The following CDH13 variants were observed in gnomAD, a reference collection of about 807,000 sequenced individuals.
CDH13 encodes the protein cadherin-13.
In CDH13, 24 loss-of-function variants were observed where a neutral mutation model predicts 63.8. The ratio of observed to expected loss-of-function variants is 0.38; its 90% CI spans 0.27 to 0.53. CDH13 has a LOEUF of 0.53. CDH13 is among the 20% of genes least tolerant of loss of function. The probability of loss-of-function intolerance (pLI) is 0.85; values close to 1 mark genes in which losing one functional copy is unlikely to be tolerated. For missense variants in CDH13, 1,049 were observed against 903.1 expected (o/e 1.16, Z -2.07); for synonymous variants, 503 against 355.3 (o/e 1.42, Z -4.67).
At chr16:83,080,885 T>TGTTTTG (rs1449323891) in intron 3 of CDH13, among the ~76,000 whole-genome samples, 1 of 120,472 alleles carries the variant, frequency 8.3e-6, no homozygotes, top group African/African-American at 3.2e-5. Flanking sequence ...TTTTTTTTTT[T>TGTTTTG]TTTTTTTTTT....
intron 2 of CDH13, among the ~76,000 whole-genome samples, chr16:82,907,970 C>T (rs2041704463): frequency 6.6e-6 from 1 of 152,146 alleles, no homozygotes. Flanking sequence ...CTTAAATATA[C>T]TGGTGCTTCT....
intron 1 of CDH13, among the ~76,000 whole-genome samples, chr16:82,836,108 T>G (rs1597748054): frequency 1.3e-5 from 2 of 152,284 alleles, no homozygotes; most frequent in Non-Finnish European, 1.5e-5. Flanking sequence ...GAAAGATGCT[T>G]CATTTTGCAT....
chr16:83,356,446 G>C (rs1373964371), intron 6 of CDH13, among the ~76,000 whole-genome samples: 1 of 152,062 alleles, frequency 6.6e-6, no homozygotes, highest in Admixed American at 6.6e-5. Context: ...AGCATGCTGA[G>C]CCATCCATCA....
rs181772001 is a variant in CDH13, at chr16:83,328,458, G to C, written c.637-16404G>C. Among the ~76,000 whole-genome samples, 540 of 152,308 alleles carry C rather than the reference G, an allele frequency of 3.5e-3. 5 individuals are homozygous for C. Among genetic ancestry groups the C allele is most frequent in the African/African-American group, 0.012 (500 of 41,562 alleles). On this transcript the variant is annotated intron_variant, in intron 5 of 13. Transcript: ENST00000567109. The stretch of plus-strand genomic sequence containing the variant: ...TGCAGGCCACAGTGAGAACTTAGAA[G>C]ACAATTGACATAGGATGATTGGAAA...
At chr16:83,382,355 T>G (rs770428674) in intron 6 of CDH13, among the ~76,000 whole-genome samples, 15 of 152,178 alleles carry the variant, frequency 9.9e-5, no homozygotes, top group Non-Finnish European at 1.9e-4. Flanking sequence ...TCAGGTAAAT[T>G]AATGGAAATA....
chr16:83,059,255 G>A (rs983179733), intron 3 of CDH13, among the ~76,000 whole-genome samples: 6 of 152,184 alleles, frequency 3.9e-5, no homozygotes. Flanking sequence ...AAAATAGAGG[G>A]ACTGGAGCCT....
At chr16:82,917,090 T>C (rs907909303) in intron 2 of CDH13, among the ~76,000 whole-genome samples, 1 of 152,152 alleles carries the variant, frequency 6.6e-6, no homozygotes, top group Non-Finnish European at 1.5e-5. Flanking sequence ...GGAAAAGTTA[T>C]GGGGAGTGGG....
intron 5 of CDH13, among the ~76,000 whole-genome samples, chr16:83,233,817 C>T (rs1168111895): frequency 1.3e-5 from 2 of 152,140 alleles, no homozygotes; most frequent in African/African-American, 4.8e-5. Context: ...TACCATGTAA[C>T]CTAACATAGT....
At chr16:83,354,747 G>A (rs1304667628) in intron 6 of CDH13, among the ~76,000 whole-genome samples, 1 of 152,208 alleles carries the variant, frequency 6.6e-6, no homozygotes, top group Non-Finnish European at 1.5e-5. Context: ...GGTAGTACCA[G>A]GTGAGACAGG....
chr16:83,676,339 G>C (rs1200748534), intron 9 of CDH13, among the ~76,000 whole-genome samples: 2 of 152,174 alleles, frequency 1.3e-5, no homozygotes, highest in African/African-American at 4.8e-5. Flanking sequence ...TGGCCCTTGG[G>C]GGACTGGGGT....
In CDH13 at chr16:83,316,241, C is replaced by A. The variant is rs139458234; in HGVS notation, c.637-28621C>A. ...TCCCTCCCCAAACACGTGGGGATTA[C>A]AATTCGGATTTCAATTCAAGGTGAG... On this transcript the variant is annotated intron_variant, in intron 5 of 13. Transcript: ENST00000567109. Among the ~76,000 whole-genome samples the A allele has an allele frequency of 8.7e-4, 132 of 152,300 alleles. 1 individual carries two copies. The highest frequency in any genetic ancestry group is 3.2e-3 in the African/African-American group (132 of 41,560).
At position 83,229,936 on chromosome 16, in the gene CDH13, T is replaced by C. The variant is rs547813863; in HGVS notation, c.636+12439T>C. Among the ~76,000 whole-genome samples, 9 of 152,258 alleles carry C rather than the reference T, an allele frequency of 5.9e-5. No individual in the cohort carries two copies. The East Asian group carries it at 1.7e-3, about 29-fold the overall frequency. On this transcript the variant is annotated intron_variant, in intron 5 of 13. Transcript: ENST00000567109. Reference sequence around the variant, plus strand: ...ATCCTCGTTAAATGATGGCTTAGCATGTAAAACATTCGTGTGACTGGATAG... The same window carrying C: ...ATCCTCGTTAAATGATGGCTTAGCACGTAAAACATTCGTGTGACTGGATAG...
intron 10 of CDH13, among the ~76,000 whole-genome samples, chr16:83,724,716 C>T (rs1286161521): frequency 1.3e-5 from 2 of 152,210 alleles, no homozygotes. Flanking sequence ...TGTATCCTTA[C>T]TTTCCCCTCC....
chr16:83,276,608 C>T (rs751692120), intron 5 of CDH13, among the ~76,000 whole-genome samples: 15 of 152,070 alleles, frequency 9.9e-5, no homozygotes, highest in Admixed American at 3.3e-4. Context: ...TGGTGGCTCG[C>T]GCCTGTAATC....
chr16:83,708,088 T>C (rs1907408884), intron 10 of CDH13, among the ~76,000 whole-genome samples: 1 of 152,124 alleles, frequency 6.6e-6, no homozygotes, highest in Non-Finnish European at 1.5e-5. Context: ...GCAGTGCTGA[T>C]GGGAAGAACA....
intron 1 of CDH13, among the ~76,000 whole-genome samples, chr16:82,850,165 T>C (rs745764698): frequency 9.2e-5 from 14 of 152,130 alleles, no homozygotes; most frequent in Non-Finnish European, 5.9e-5. Flanking sequence ...ACAAAATGAG[T>C]CAAAAACCTG....
At chr16:82,831,900 C>G (rs186859673) in intron 1 of CDH13, among the ~76,000 whole-genome samples, 27 of 152,126 alleles carry the variant, frequency 1.8e-4, no homozygotes, top group African/African-American at 6.0e-4. Flanking sequence ...CTCACAGGTT[C>G]CCTCTGTTAA....
intron 5 of CDH13, among the ~76,000 whole-genome samples, chr16:83,325,251 A>T (rs2090333690): frequency 6.6e-6 from 1 of 151,938 alleles, no homozygotes; most frequent in Non-Finnish European, 1.5e-5. Flanking sequence ...AACTTGAGCT[A>T]CAATAGGGGC....
rs551005226 is a variant in CDH13, at chr16:83,650,247, A to G, written c.1102-20543A>G. 2.1e-4 allele frequency among the ~76,000 whole-genome samples: 32 copies of G among 152,368 alleles called. No individual in the cohort carries two copies. The South Asian group carries it at 6.4e-3, about 31-fold the overall frequency. ...AAAAAATACCTTTCTTCTTTTATAA[A>G]AGGGATTATCAGCTGCTAATTCAAA... On this transcript the variant is annotated intron_variant, in intron 8 of 13. Coordinates refer to ENST00000567109, the MANE Select transcript of CDH13 (RefSeq NM_001257.5).
Sources: allele counts gnomAD v4.1 joint callset (sites outside exome capture counted in the v4.1 genomes callset), GRCh38; gene constraint gnomAD v4.1.1; transcripts MANE v1.5; gene names NCBI Gene and HGNC (gene_info 2026-07-23, HGNC 2026-07-21).